Variants in PLPP4 observed in about 807,000 individuals in gnomAD.
PLPP4 encodes the protein phospholipid phosphatase 4, also known as diacylglycerol pyrophosphate like 2.
In PLPP4, 20 loss-of-function variants were observed where a neutral mutation model predicts 32.2. That is an observed-to-expected ratio of 0.62 (90% CI 0.44 to 0.90). The LOEUF (loss-of-function observed/expected upper bound fraction) is 0.90, where lower values mean the gene tolerates loss of function less well. Among genes scored for constraint, PLPP4 ranks in the 40% least tolerant of loss-of-function variants. PLPP4 has a pLI of 0.00. For missense variants in PLPP4, 257 were observed against 353.1 expected, an observed-to-expected ratio of 0.73 and a Z score of 2.18; for synonymous variants, 127 against 133.0, an observed-to-expected ratio of 0.95 and a Z score of 0.31.
chr10:120,528,377 ACT>A (rs1205739406), intron 5 of PLPP4, among the ~76,000 whole-genome samples: 2 of 151,766 alleles, frequency 1.3e-5, no homozygotes, highest in Non-Finnish European at 2.9e-5. Flanking sequence ...CCCGGCCGCC[ACT>A]CTCCTTTCTT....
Position 120,513,944 on chromosome 10 carries a change from T to G in PLPP4, c.199T>G (p.Cys67Gly), listed in dbSNP as rs201664925. ...TTTCCTCACACCCCTGGCTGTTATT[T>G]GTGTGGTGAAAATTATCCGGCGAAC... Reference protein sequence around the residue: ...ISFLTPLAVICVVKIIRRTDK... With the variant: ...ISFLTPLAVIGVVKIIRRTDK... The change falls in exon 3 of 7, where the codon TGT becomes GGT. Residue 67 changes from cysteine (C) to glycine (G), a missense_variant. Physicochemically the swap from Cys to Gly is radical, Grantham distance 159 (BLOSUM62 -3). Coordinates refer to ENST00000398250, the MANE Select transcript of PLPP4 (RefSeq NM_001030059.3). 98 of 1,614,004 alleles carry G rather than the reference T, an allele frequency of 6.1e-5. 2 individuals carry two copies. The Middle Eastern group carries it at 6.6e-4, about 11-fold the overall frequency.
chr10:120,512,374 C>T (rs915591544), intron 2 of PLPP4, among the ~76,000 whole-genome samples: 1 of 152,196 alleles, frequency 6.6e-6, no homozygotes, highest in Non-Finnish European at 1.5e-5. Context: ...GACTTTTAAA[C>T]AATCCAAGTC....
At chr10:120,539,509 T>C (rs1847236930) in intron 5 of PLPP4, among the ~76,000 whole-genome samples, 1 of 152,180 alleles carries the variant, frequency 6.6e-6, no homozygotes, top group African/African-American at 2.4e-5. Context: ...AAGACTAACA[T>C]GAACACCTGT....
intron 3 of PLPP4, among the ~76,000 whole-genome samples, chr10:120,515,188 A>G (rs1019784813): frequency 1.3e-5 from 2 of 152,272 alleles, no homozygotes; most frequent in South Asian, 2.1e-4. Context: ...CTGATAAGCA[A>G]TCTCACAGAC....
intron 1 of PLPP4, among the ~76,000 whole-genome samples, chr10:120,474,932 C>T (rs75081156): frequency 0.041 from 6,190 of 152,102 alleles, 194 homozygotes; most frequent in South Asian, 0.11. Flanking sequence ...TTTCACCCAG[C>T]GTCACATTGT....
intron 1 of PLPP4, among the ~76,000 whole-genome samples, chr10:120,493,810 A>G (rs1438099922): frequency 6.6e-6 from 1 of 152,162 alleles, no homozygotes; most frequent in East Asian, 1.9e-4. Context: ...GATGAGATCA[A>G]CGGCAGCTTA....
rs1847249366 is a variant in PLPP4, at chr10:120,539,823, G to A, written c.445+18728G>A. On this transcript the variant is annotated intron_variant, in intron 5 of 6. Coordinates refer to ENST00000398250, the MANE Select transcript of PLPP4 (RefSeq NM_001030059.3). Reference sequence around the variant, plus strand: ...ATTTTGGGAGGAGTGAGGGAGGAAGGACCTTTGCTTTCCTTATATACATTT... The same window carrying A: ...ATTTTGGGAGGAGTGAGGGAGGAAGAACCTTTGCTTTCCTTATATACATTT... Among the ~76,000 whole-genome samples the A allele has an allele frequency of 3.9e-5, 6 of 152,000 alleles. No homozygotes were observed. In the South Asian group the frequency reaches 1.2e-3, roughly 32 times the overall value.
At chr10:120,472,655 T>C (rs1848569152) in intron 1 of PLPP4, among the ~76,000 whole-genome samples, 1 of 152,172 alleles carries the variant, frequency 6.6e-6, no homozygotes, top group Non-Finnish European at 1.5e-5. Flanking sequence ...AAGACTTTAT[T>C]TTATCCAATA....
At chr10:120,542,573 A>G (rs1847397494) in intron 5 of PLPP4, among the ~76,000 whole-genome samples, 1 of 152,220 alleles carries the variant, frequency 6.6e-6, no homozygotes, top group Non-Finnish European at 1.5e-5. Context: ...TTCTCATTGC[A>G]GACGAGCTGG....
At chr10:120,587,730 G>T (rs1047428508) in intron 6 of PLPP4, among the ~76,000 whole-genome samples, 5 of 152,214 alleles carry the variant, frequency 3.3e-5, no homozygotes, top group Admixed American at 3.3e-4. Flanking sequence ...TGAGCAGCTT[G>T]TTTTCTTGAA....
chr10:120,458,862 G>T (rs1847910897), intron 1 of PLPP4, among the ~76,000 whole-genome samples: 1 of 152,180 alleles, frequency 6.6e-6, no homozygotes, highest in Non-Finnish European at 1.5e-5. Flanking sequence ...TTATGTGATA[G>T]AAATGATAAA....
intron 5 of PLPP4, among the ~76,000 whole-genome samples, chr10:120,562,166 A>G (rs1393461474): frequency 6.6e-6 from 1 of 152,134 alleles, no homozygotes; most frequent in Non-Finnish European, 1.5e-5. Context: ...TTATAAGACT[A>G]ATTCTTTGGT....
At chr10:120,497,262 A>T (rs567889881) in intron 1 of PLPP4, among the ~76,000 whole-genome samples, 1 of 151,942 alleles carries the variant, frequency 6.6e-6, no homozygotes, top group South Asian at 2.1e-4. Context: ...CTTTCAGATC[A>T]CTCCAACTTT....
intron 6 of PLPP4, chr10:120,580,890 C>T (rs1231034579): frequency 5.4e-6 from 7 of 1,289,308 alleles, no homozygotes; most frequent in Middle Eastern, 2.1e-4. Context: ...CTCATTTTCC[C>T]TCCACAGTTG....
intron 2 of PLPP4, among the ~76,000 whole-genome samples, chr10:120,512,492 C>T (rs997597790): frequency 2.6e-5 from 4 of 152,178 alleles, no homozygotes; most frequent in African/African-American, 9.7e-5. Context: ...CAAATGGCCT[C>T]TGAAGACAGT....
chr10:120,531,752 C>A (rs1846733293), intron 5 of PLPP4, among the ~76,000 whole-genome samples: 1 of 152,002 alleles, frequency 6.6e-6, no homozygotes, highest in South Asian at 2.1e-4. Context: ...TTTGGATCTA[C>A]TTCTGTACTC....
intron 4 of PLPP4, 141 bp from the exon 5 acceptor site, chr10:120,520,825 CTAGAG>C: frequency 6.1e-6 from 6 of 985,134 alleles, no homozygotes; most frequent in Non-Finnish European, 9.1e-6. Flanking sequence ...ACGGCTGTGT[CTAGAG>C]TATTCTGTGA....
intron 5 of PLPP4, among the ~76,000 whole-genome samples, chr10:120,532,785 G>A (rs960772016): frequency 6.6e-6 from 1 of 152,138 alleles, no homozygotes; most frequent in African/African-American, 2.4e-5. Flanking sequence ...CAAGATTCAT[G>A]ATGTAGCATA....
At chr10:120,578,673 A>G (rs182581344) in intron 6 of PLPP4, among the ~76,000 whole-genome samples, 27 of 152,316 alleles carry the variant, frequency 1.8e-4, no homozygotes, top group Admixed American at 1.4e-3. Flanking sequence ...CACTCCAAAT[A>G]TACAAATCTA....
Sources: allele counts gnomAD v4.1 joint callset (sites outside exome capture counted in the v4.1 genomes callset), GRCh38; gene constraint gnomAD v4.1.1; transcripts MANE v1.5; gene names NCBI Gene and HGNC (gene_info 2026-07-23, HGNC 2026-07-21).